Variants in LRRC1 observed in about 807,000 individuals in gnomAD.
LRRC1 encodes leucine rich repeat containing 1.
In LRRC1, 28 loss-of-function variants were observed where a neutral mutation model predicts 69.9. That is an observed-to-expected ratio of 0.40 (90% CI 0.30 to 0.55). LRRC1 has a LOEUF of 0.55. Among genes scored for constraint, LRRC1 ranks in the 20% least tolerant of loss-of-function variants. The pLI is 0.47. For synonymous variants in LRRC1, 236 were observed against 240.2 expected (o/e 0.98, Z 0.16); for missense variants, 498 against 609.0 (o/e 0.82, Z 1.92).
chr6:53,855,782 C>G (rs953759329), intron 2 of LRRC1, among the ~76,000 whole-genome samples: 1 of 152,180 alleles, frequency 6.6e-6, no homozygotes, highest in African/African-American at 2.4e-5. Context: ...CCCCAGCCCC[C>G]TTTTAGGTCC....
chr6:53,915,151 T>A lies in LRRC1; in HGVS notation c.1106+1182T>A, dbSNP rs1373180761. 3.3e-5 allele frequency among the ~76,000 whole-genome samples: 5 copies of A among 152,242 alleles called. No homozygotes were observed. In the East Asian group the frequency reaches 9.6e-4, roughly 29 times the overall value. The stretch of plus-strand genomic sequence containing the variant: ...CTGCTTGGGGGAAGATTATCAATGA[T>A]CTTAAATGGTAAAGGCCAGCAGTCT... On this transcript the variant is annotated intron_variant, in intron 11 of 13. Coordinates refer to ENST00000370888, the MANE Select transcript of LRRC1 (RefSeq NM_018214.5).
At chr6:53,813,624 T>C (rs745577549) in intron 1 of LRRC1, among the ~76,000 whole-genome samples, 5 of 143,114 alleles carry the variant, frequency 3.5e-5, no homozygotes, top group Admixed American at 7.5e-5. Context: ...AAATGGACAA[T>C]GATTCAACAA....
chr6:53,913,166 T>C lies in LRRC1; in HGVS notation c.991-688T>C, dbSNP rs1450959242. ...ATGGAGGTGTTGATTTGTGTGCTTT[T>C]ATGAGCAGGCTGCAGCTGAAGAAAT... On this transcript the variant is annotated intron_variant, in intron 10 of 13. Coordinates refer to ENST00000370888, the MANE Select transcript of LRRC1 (RefSeq NM_018214.5). Among the ~76,000 whole-genome samples, 3 of 144,848 alleles carry C rather than the reference T, an allele frequency of 2.1e-5. No homozygotes were observed. The East Asian group carries it at 6.3e-4, about 31-fold the overall frequency.
intron 1 of LRRC1, among the ~76,000 whole-genome samples, chr6:53,798,948 C>T (rs552259307): frequency 1.3e-5 from 2 of 152,328 alleles, no homozygotes; most frequent in East Asian, 3.9e-4. Flanking sequence ...ACCTTGGCTT[C>T]CCCTCTGTAC....
At chr6:53,822,361 C>A (rs769705072) in intron 1 of LRRC1, among the ~76,000 whole-genome samples, 1 of 152,100 alleles carries the variant, frequency 6.6e-6, no homozygotes, top group Non-Finnish European at 1.5e-5. Context: ...TGAAGTACAC[C>A]CTTGGAAGGG....
intron 13 of LRRC1, among the ~76,000 whole-genome samples, chr6:53,921,390 T>C (rs1444775264): frequency 6.6e-6 from 1 of 152,232 alleles, no homozygotes; most frequent in Non-Finnish European, 1.5e-5. Flanking sequence ...TCCCAGTGAA[T>C]GCTGTCTCTT....
rs548282357 is a variant in LRRC1 at position 53,831,665 on chromosome 6, A to G, written c.160-10445A>G. ...GAGATAAAGTCCTTTTCTTTCCTCC[A>G]TTACTTACAATTTGTATGCACTCAA... On this transcript the variant is annotated intron_variant, in intron 1 of 13. Transcript: ENST00000370888. Among the ~76,000 whole-genome samples, 3 of 152,262 alleles carry G rather than the reference A, an allele frequency of 2.0e-5. No individual in the cohort carries two copies. The South Asian group carries it at 6.2e-4, about 32-fold the overall frequency.
intron 1 of LRRC1, among the ~76,000 whole-genome samples, chr6:53,812,587 G>A (rs570782969): frequency 4.6e-5 from 7 of 151,624 alleles, no homozygotes; most frequent in African/African-American, 1.7e-4. Flanking sequence ...CTACTCGGGA[G>A]GCTGAGGCAG....
intron 10 of LRRC1, among the ~76,000 whole-genome samples, chr6:53,910,628 A>G (rs1323339190): frequency 2.6e-5 from 4 of 152,172 alleles, no homozygotes; most frequent in African/African-American, 9.7e-5. Context: ...AAAAATAGCT[A>G]CCACATTTAT....
chr6:53,860,465 T>C (rs1437479412), intron 2 of LRRC1, among the ~76,000 whole-genome samples: 1 of 152,350 alleles, frequency 6.6e-6, no homozygotes, highest in East Asian at 1.9e-4. Flanking sequence ...CAGTATTTCT[T>C]TGAAAAATGT....
intron 1 of LRRC1, among the ~76,000 whole-genome samples, chr6:53,836,528 C>G (rs1332750663): frequency 6.6e-6 from 1 of 152,146 alleles, no homozygotes; most frequent in Non-Finnish European, 1.5e-5. Context: ...TCCTCTAGAT[C>G]TAATGCCATT....
At chr6:53,803,733 T>C (rs1764557514) in intron 1 of LRRC1, among the ~76,000 whole-genome samples, 1 of 152,162 alleles carries the variant, frequency 6.6e-6, no homozygotes, top group Non-Finnish European at 1.5e-5. Flanking sequence ...AATTTGGTGT[T>C]TTTGTTTCTA....
intron 1 of LRRC1, among the ~76,000 whole-genome samples, chr6:53,805,115 A>G (rs1247948684): frequency 6.6e-6 from 1 of 152,030 alleles, no homozygotes; most frequent in African/African-American, 2.4e-5. Flanking sequence ...GGCTTTAGTC[A>G]GTTGAGCAGG....
chr6:53,850,195 T>C (rs771840515), intron 2 of LRRC1, among the ~76,000 whole-genome samples: 4 of 152,040 alleles, frequency 2.6e-5, no homozygotes, highest in African/African-American at 7.3e-5. Flanking sequence ...TAATAACTTA[T>C]ATTGTGGTAT....
chr6:53,848,320 T>C (rs1766013099), intron 2 of LRRC1, among the ~76,000 whole-genome samples: 1 of 152,238 alleles, frequency 6.6e-6, no homozygotes, highest in Non-Finnish European at 1.5e-5. Flanking sequence ...AATTGCCTTC[T>C]ACACACATTT....
chr6:53,884,170 C>G, intron 4 of LRRC1: 1 of 595,348 alleles, frequency 1.7e-6, no homozygotes, highest in Non-Finnish European at 3.0e-6. Context: ...CATGCATGTA[C>G]AATTCACTTT....
chr6:53,856,567 A>G (rs1425721830), intron 2 of LRRC1, among the ~76,000 whole-genome samples: 2 of 152,188 alleles, frequency 1.3e-5, no homozygotes, highest in East Asian at 3.8e-4. Context: ...GGGCAGATGA[A>G]ATAACATGAA....
chr6:53,856,054 T>C (rs915371694), intron 2 of LRRC1, among the ~76,000 whole-genome samples: 1 of 152,236 alleles, frequency 6.6e-6, no homozygotes, highest in Admixed American at 6.5e-5. Context: ...TGCTAGCAAC[T>C]GTTCTGTCCT....
intron 4 of LRRC1, among the ~76,000 whole-genome samples, chr6:53,892,132 C>T (rs942545449): frequency 6.6e-6 from 1 of 151,824 alleles, no homozygotes; most frequent in Non-Finnish European, 1.5e-5. Flanking sequence ...TGAGAGGCAG[C>T]ACAACATAGT....
Sources: allele counts gnomAD v4.1 joint callset (sites outside exome capture counted in the v4.1 genomes callset), GRCh38; gene constraint gnomAD v4.1.1; transcripts MANE v1.5; gene names NCBI Gene and HGNC (gene_info 2026-07-23, HGNC 2026-07-21).